PAN3: variants seen among roughly 807,000 people sequenced by gnomAD.
PAN3 encodes poly(A) specific ribonuclease subunit PAN3.
In PAN3, 19 loss-of-function variants were observed where a neutral mutation model predicts 96.2. The ratio of observed to expected loss-of-function variants is 0.20; its 90% CI spans 0.14 to 0.29. PAN3 has a LOEUF of 0.29. PAN3 is among the 10% of genes least tolerant of loss of function. The pLI, the probability that PAN3 is intolerant of heterozygous loss-of-function variation, is 1.00. For synonymous variants in PAN3, 433 were observed against 406.6 expected (o/e 1.06, Z -0.78); for missense variants, 882 against 1,108.1 (o/e 0.80, Z 2.90).
intron 6 of PAN3, among the ~76,000 whole-genome samples, chr13:28,232,781 G>A (rs1300260434): frequency 6.6e-6 from 1 of 152,036 alleles, no homozygotes; most frequent in Non-Finnish European, 1.5e-5. Context: ...GAGTTCGAGG[G>A]TGAGCAACCC....
chr13:28,288,660 C>T (rs1015695894), intron 18 of PAN3, among the ~76,000 whole-genome samples: 1 of 152,044 alleles, frequency 6.6e-6, no homozygotes, highest in African/African-American at 2.4e-5. Flanking sequence ...AAAATGACTG[C>T]TTCCCTCCTT....
chr13:28,244,914 T>G (rs1884032082), intron 6 of PAN3, among the ~76,000 whole-genome samples: 1 of 152,190 alleles, frequency 6.6e-6, no homozygotes, highest in South Asian at 2.1e-4. Flanking sequence ...AGTGGCGCGA[T>G]CTTGGCTCAC....
At chr13:28,154,962 A>G (rs930513918) in intron 1 of PAN3, among the ~76,000 whole-genome samples, 1 of 151,138 alleles carries the variant, frequency 6.6e-6, no homozygotes, top group African/African-American at 2.4e-5. Flanking sequence ...CTGGGAGTAC[A>G]GTCGCCCACC....
intron 6 of PAN3, among the ~76,000 whole-genome samples, chr13:28,234,838 C>G (rs1306606933): frequency 1.3e-5 from 2 of 152,034 alleles, no homozygotes; most frequent in Admixed American, 6.6e-5. Flanking sequence ...TTTTCCATAT[C>G]TACTTGGCTT....
chr13:28,216,234 G>A (rs1469795159), intron 5 of PAN3, among the ~76,000 whole-genome samples: 2 of 150,716 alleles, frequency 1.3e-5, no homozygotes, highest in African/African-American at 2.4e-5. Context: ...ATACATATAT[G>A]TGTATGACCC....
chr13:28,225,036 A>G (rs1397455135), intron 6 of PAN3, among the ~76,000 whole-genome samples: 2 of 152,188 alleles, frequency 1.3e-5, no homozygotes, highest in African/African-American at 4.8e-5. Context: ...AAGTTTATTT[A>G]TTGTAGGCTT....
chr13:28,240,373 A>G (rs1883545125), intron 6 of PAN3, among the ~76,000 whole-genome samples: 1 of 152,212 alleles, frequency 6.6e-6, no homozygotes, highest in Admixed American at 6.5e-5. Flanking sequence ...AAGATAAAAC[A>G]TGCTGTGGGA....
chr13:28,261,662 G>A (rs1018006469), intron 9 of PAN3, among the ~76,000 whole-genome samples: 17 of 151,768 alleles, frequency 1.1e-4, no homozygotes. Context: ...GTGGGAACCT[G>A]TCTCTACAAA....
chr13:28,231,772 C>T, intron 6 of PAN3, among the ~76,000 whole-genome samples: 1 of 152,234 alleles, frequency 6.6e-6, no homozygotes, highest in African/African-American at 2.4e-5. Context: ...TATGGTGGCA[C>T]ACACCTGTAG....
rs1278082148 is a variant in PAN3, at chr13:28,174,300, T to C, written c.459T>C (p.Thr153=). 2.5e-6 allele frequency: 4 copies of C among 1,612,768 alleles called. No individual in the cohort carries two copies. The highest frequency in any genetic ancestry group is 2.2e-5 in the East Asian group (1 of 44,842). The change falls in exon 2 of 19, where the codon ACT becomes ACC. Residue 153 remains threonine (T), a synonymous_variant. Coordinates refer to ENST00000380958, the MANE Select transcript of PAN3 (RefSeq NM_175854.8). ...AIPGMDGGAL[T]DTSLTDSYFS... ...CAGGAATGGATGGAGGTGCTTTAACTGATACAAGTCTCACAGATTCCTATT... is the reference window on the plus strand; with the variant it reads ...CAGGAATGGATGGAGGTGCTTTAACCGATACAAGTCTCACAGATTCCTATT...
intron 5 of PAN3, among the ~76,000 whole-genome samples, chr13:28,218,833 T>G (rs1279752339): frequency 2.0e-5 from 3 of 152,210 alleles, no homozygotes; most frequent in African/African-American, 7.2e-5. Flanking sequence ...TTTCCTTATG[T>G]AATTTTGCTG....
intron 6 of PAN3, among the ~76,000 whole-genome samples, chr13:28,221,014 A>G (rs1383042619): frequency 6.6e-6 from 1 of 152,198 alleles, no homozygotes; most frequent in Non-Finnish European, 1.5e-5. Flanking sequence ...CTTGTACTCC[A>G]GGAGTCCTGA....
intron 9 of PAN3, among the ~76,000 whole-genome samples, chr13:28,265,593 A>G (rs1886093403): frequency 6.6e-6 from 1 of 152,228 alleles, no homozygotes; most frequent in Non-Finnish European, 1.5e-5. Flanking sequence ...TAATGGGCAT[A>G]AAGTATTTGG....
At chr13:28,208,380 A>C (rs185073709) in intron 5 of PAN3, among the ~76,000 whole-genome samples, 269 of 152,242 alleles carry the variant, frequency 1.8e-3, no homozygotes, top group African/African-American at 6.1e-3. Flanking sequence ...CCTTTTAGGG[A>C]CAGTGATAGA....
intron 5 of PAN3, 101 bp from the exon 6 acceptor site, chr13:28,220,130 A>G: frequency 2.6e-6 from 3 of 1,137,688 alleles, no homozygotes; most frequent in Admixed American, 2.5e-5. Context: ...TCAATAATAT[A>G]TTTTACTTAG....
At chr13:28,251,570 G>A (rs896976072) in intron 6 of PAN3, among the ~76,000 whole-genome samples, 6 of 152,102 alleles carry the variant, frequency 3.9e-5, no homozygotes, top group East Asian at 1.9e-4. Flanking sequence ...CTCTTAAGAC[G>A]TCACCCCAGT....
At chr13:28,241,870 G>GA (rs1883695968) in intron 6 of PAN3, among the ~76,000 whole-genome samples, 1 of 151,530 alleles carries the variant, frequency 6.6e-6, no homozygotes, top group Admixed American at 6.6e-5. Context: ...TTATTAAGAA[G>GA]ATAATGCTTC....
chr13:28,236,948 C>T (rs1288996148), intron 6 of PAN3, among the ~76,000 whole-genome samples: 1 of 152,170 alleles, frequency 6.6e-6, no homozygotes, highest in Admixed American at 6.5e-5. Flanking sequence ...AATATCAGCT[C>T]TCTAAAAGTG....
chr13:28,189,013 T>A (rs569809889), intron 4 of PAN3, among the ~76,000 whole-genome samples: 2 of 152,314 alleles, frequency 1.3e-5, no homozygotes, highest in Admixed American at 1.3e-4. Flanking sequence ...TACTGAAATG[T>A]TGAGTAAATC....
Sources: allele counts gnomAD v4.1 joint callset (sites outside exome capture counted in the v4.1 genomes callset), GRCh38; gene constraint gnomAD v4.1.1; transcripts MANE v1.5; gene names NCBI Gene and HGNC (gene_info 2026-07-23, HGNC 2026-07-21).